Variants in PSD2 observed in about 807,000 individuals in gnomAD.
PSD2 encodes the protein pleckstrin and Sec7 domain containing 2, also known as PH and SEC7 domain-containing protein 2.
Under a neutral mutation model 69.8 loss-of-function variants are expected in PSD2, and 38 were observed. That is an observed-to-expected ratio of 0.54 (90% CI 0.42 to 0.71). PSD2 has a LOEUF of 0.71. Ranked by LOEUF, PSD2 falls within the 30% of genes least tolerant of loss-of-function variation. PSD2 has a pLI of 0.00. For synonymous variants in PSD2, 412 were observed against 423.0 expected (o/e 0.97, Z 0.32); for missense variants, 943 against 1,014.5 (o/e 0.93, Z 0.96).
intron 1 of PSD2, among the ~76,000 whole-genome samples, chr5:139,799,744 T>G: frequency 6.6e-6 from 1 of 150,904 alleles, no homozygotes; most frequent in Non-Finnish European, 1.5e-5. Context: ...AGTTGTGTGG[T>G]TTGGGGGCCC....
intron 7 of PSD2, among the ~76,000 whole-genome samples, chr5:139,827,818 G>A (rs774185174): frequency 2.6e-5 from 4 of 152,174 alleles, no homozygotes; most frequent in African/African-American, 4.8e-5. Flanking sequence ...TGAGAACAGC[G>A]TGGGGGAACC....
At chr5:139,780,159 A>AGTTCTCAGCTCAGAACACAATGG in the PSD2 span, among the ~76,000 whole-genome samples, 19 of 152,198 alleles carry the variant, frequency 1.2e-4, no homozygotes, top group African/African-American at 4.6e-4. Flanking sequence ...TCTACCCTTG[A>AGTTCTCAGCTCAGAACACAATGG]GTTCTCAGCT....
At chr5:139,787,747 C>T in the PSD2 span, among the ~76,000 whole-genome samples, 2 of 152,228 alleles carry the variant, frequency 1.3e-5, no homozygotes, top group African/African-American at 4.8e-5. Flanking sequence ...TCCCGCTGCA[C>T]GGGGACCCGT....
At chr5:139,765,150 C>T in the PSD2 span, among the ~76,000 whole-genome samples, 1 of 152,232 alleles carries the variant, frequency 6.6e-6, no homozygotes, top group East Asian at 1.9e-4. Flanking sequence ...CGTGACCCTC[C>T]CACCCCTGGT....
chr5:139,839,633 G>T lies in PSD2; in HGVS notation c.1969-394G>T, dbSNP rs1429934205. ...AACGCGTGTATCATATGGAGCAGGG[G>T]ATAGCGGGGCCAGGCTGGCCTTGGT... On this transcript the variant is annotated intron_variant, in intron 13 of 14. Coordinates refer to ENST00000274710, the MANE Select transcript of PSD2 (RefSeq NM_032289.4). The surrounding 1 kb of genome is among the most constrained non-coding windows in gnomAD (Gnocchi z 5.1). Among the ~76,000 whole-genome samples, 4 of 152,234 alleles carry T rather than the reference G, an allele frequency of 2.6e-5. No homozygotes were observed. The highest frequency in any genetic ancestry group is 4.4e-5 in the Non-Finnish European group (3 of 68,026).
In PSD2 at chr5:139,842,461, G is replaced by A; in HGVS notation, c.2303G>A (p.Gly768Glu). Reference sequence around the variant, plus strand: ...AGCAAAACCACAAAGGATGCCACTGGGCCTGATACTTAGCTGACATGGATT... The same window carrying A: ...AGCAAAACCACAAAGGATGCCACTGAGCCTGATACTTAGCTGACATGGATT... Reference protein sequence around the residue: ...TGSKTTKDATGPDT With the variant: ...TGSKTTKDATEPDT Residue 768 changes from glycine (G) to glutamate (E), a missense_variant, in exon 15 of 15, where the codon GGG (glycine) becomes GAG (glutamate). Gly to Glu is a moderately conservative substitution (Grantham distance 98, BLOSUM62 -2). Coordinates refer to ENST00000274710, the MANE Select transcript of PSD2 (RefSeq NM_032289.4). 2 of 1,613,458 alleles carry A rather than the reference G, an allele frequency of 1.2e-6. No individual in the cohort carries two copies. The highest frequency in any genetic ancestry group is 1.7e-6 in the Non-Finnish European group (2 of 1,179,524).
At chr5:139,809,364 GTTC>G (rs1759891251) in intron 1 of PSD2, 24 bp from the exon 2 acceptor site, 1 of 1,525,104 alleles carries the variant, frequency 6.6e-7, no homozygotes, top group South Asian at 1.3e-5. Flanking sequence ...TGTCTGACCA[GTTC>G]TTCCTCTCTC....
the PSD2 span, among the ~76,000 whole-genome samples, chr5:139,743,180 T>TG: frequency 6.6e-6 from 1 of 152,198 alleles, no homozygotes; most frequent in Admixed American, 6.5e-5. Context: ...CTCTTGGATC[T>TG]GTGGCCAGGT....
Position 139,822,005 on chromosome 5 carries a change from G to A in PSD2, c.1210G>A (p.Asp404Asn), listed in dbSNP as rs759104702. 4 of 1,593,140 alleles carry A rather than the reference G, an allele frequency of 2.5e-6. No individual in the cohort carries two copies. The highest frequency in any genetic ancestry group is 2.3e-5 in the East Asian group (1 of 44,074). Residue 404 changes from aspartate (D) to asparagine (N), a missense_variant and splice_region_variant, in exon 6 of 15, where the codon GAT (aspartate) becomes AAT (asparagine). Around this residue, in one of 3 missense-constraint regions of PSD2, gnomAD observed 312 missense variants for 400.7 expected, o/e 0.78. Transcript: ENST00000274710. ...QCNPDDSTSE[D>N]GIHTLTCALM... Reference sequence around the variant, plus strand: ...CAACCCTGATGACAGCACTTCGGAAGGTATGGCCCCTTGCCCACTCTGCCT... The same window carrying A: ...CAACCCTGATGACAGCACTTCGGAAAGTATGGCCCCTTGCCCACTCTGCCT...
chr5:139,781,705 C>G, the PSD2 span, among the ~76,000 whole-genome samples: 2 of 151,744 alleles, frequency 1.3e-5, no homozygotes, highest in South Asian at 2.1e-4. Context: ...GCAATCTCGG[C>G]TCACTGCAAC....
At chr5:139,822,812 C>G in intron 7 of PSD2, 28 bp downstream of exon 7, 1 of 1,592,612 alleles carries the variant, frequency 6.3e-7, no homozygotes, top group Non-Finnish European at 8.6e-7. Context: ...CGGGGGGTGT[C>G]GCATGTCCTC....
At chr5:139,803,082 C>G (rs1759714099) in intron 1 of PSD2, among the ~76,000 whole-genome samples, 1 of 152,238 alleles carries the variant, frequency 6.6e-6, no homozygotes, top group Admixed American at 6.5e-5. Flanking sequence ...GGCGTAGGTT[C>G]TTGGCCCTTG....
At chr5:139,760,119 A>G in the PSD2 span, among the ~76,000 whole-genome samples, 2 of 152,064 alleles carry the variant, frequency 1.3e-5, no homozygotes, top group Non-Finnish European at 1.5e-5. Flanking sequence ...GCCTGGTCCC[A>G]CCCTCCATCT....
the PSD2 span, among the ~76,000 whole-genome samples, chr5:139,769,527 A>G: frequency 6.6e-6 from 1 of 151,836 alleles, no homozygotes; most frequent in Non-Finnish European, 1.5e-5. Flanking sequence ...TTCCTTCATT[A>G]TAAAGACTTC....
At chr5:139,835,633 C>T (rs1044928742) in intron 8 of PSD2, 90 bp from the exon 9 acceptor site, 2 of 1,331,188 alleles carry the variant, frequency 1.5e-6, no homozygotes, top group Middle Eastern at 1.8e-4. Flanking sequence ...TGAAAAGGTG[C>T]TCCCTCACTG....
At chr5:139,762,308 G>T in the PSD2 span, among the ~76,000 whole-genome samples, 1 of 151,660 alleles carries the variant, frequency 6.6e-6, no homozygotes, top group African/African-American at 2.4e-5. Context: ...CTCCCGAAGT[G>T]TTGGGATTAC....
chr5:139,764,831 G>A, the PSD2 span, among the ~76,000 whole-genome samples: 1 of 152,158 alleles, frequency 6.6e-6, no homozygotes, highest in South Asian at 2.1e-4. Flanking sequence ...CTCCACACCC[G>A]CCAGGAAAGC....
At chr5:139,795,463 G>C (rs141181999), upstream of PSD2, among the ~76,000 whole-genome samples, 834 of 152,250 alleles carry the variant, frequency 5.5e-3, 7 homozygotes, top group South Asian at 9.1e-3. This position sits in a 1 kb window ranked among gnomAD's most constrained non-coding sequence, Gnocchi z 4.5. Context: ...GTTCTAGACC[G>C]GTGGGTCCTG....
intron 5 of PSD2, among the ~76,000 whole-genome samples, chr5:139,820,918 C>A (rs932894859): frequency 6.7e-6 from 1 of 148,626 alleles, no homozygotes; most frequent in African/African-American, 2.5e-5. Context: ...TCTGAGGGTG[C>A]CAAGGGGCCA....
Sources: allele counts gnomAD v4.1 joint callset (sites outside exome capture counted in the v4.1 genomes callset), GRCh38; gene constraint gnomAD v4.1.1; regional missense constraint gnomAD v4.1.1; non-coding constraint Gnocchi (gnomAD v3.1); transcripts MANE v1.5; gene names NCBI Gene and HGNC (gene_info 2026-07-23, HGNC 2026-07-21).